TNIP1: variants seen among roughly 807,000 people sequenced by gnomAD.
TNIP1 encodes the protein TNFAIP3 interacting protein 1, also known as TNFAIP3-interacting protein 1.
In TNIP1, 22 loss-of-function variants were observed where a neutral mutation model predicts 86.6. That is an observed-to-expected ratio of 0.25 (90% CI 0.18 to 0.36). The LOEUF (loss-of-function observed/expected upper bound fraction) is 0.36, where lower values mean the gene tolerates loss of function less well. TNIP1 is among the 10% of genes least tolerant of loss of function. The pLI is 1.00. For synonymous variants in TNIP1, 294 were observed against 313.0 expected (o/e 0.94, Z 0.64); for missense variants, 709 against 820.6 (o/e 0.86, Z 1.66).
upstream of TNIP1, among the ~76,000 whole-genome samples, chr5:151,085,935 C>T (rs1037203776): frequency 2.0e-5 from 3 of 152,234 alleles, no homozygotes; most frequent in African/African-American, 4.8e-5. Context: ...CTCCCACACC[C>T]TCTTCTTCTA....
chr5:151,065,163 T>C, intron 1 of TNIP1, 32 bp from the exon 2 acceptor site: 1 of 1,575,702 alleles, frequency 6.3e-7, no homozygotes, highest in Admixed American at 1.7e-5. Flanking sequence ...ATCAGCAGGC[T>C]GGCCAGGCCA....
Position 151,056,786 on chromosome 5 carries a change from G to T in TNIP1, c.607C>A (p.Gln203Lys). Residue 203 changes from glutamine (Q) to lysine (K), a missense_variant, in exon 6 of 18, where the codon CAG (glutamine) becomes AAG (lysine). Gln to Lys is a moderately conservative substitution (Grantham distance 53). Transcript: ENST00000521591. ...CTCACCTGCAGAATGGAGGTGCGCTGCTCATTCTTGTGCACCTTGGATGCC... is the reference window on the plus strand; with the variant it reads ...CTCACCTGCAGAATGGAGGTGCGCTTCTCATTCTTGTGCACCTTGGATGCC... ...RLASKVHKNE[Q>K]RTSILQTLCE... The T allele has an allele frequency of 1.3e-6, 2 of 1,547,206 alleles. No homozygotes were observed. The highest frequency in any genetic ancestry group is 1.8e-6 in the Non-Finnish European group (2 of 1,142,258).
intron 4 of TNIP1, among the ~76,000 whole-genome samples, chr5:151,060,605 G>A (rs867097211): frequency 6.6e-6 from 1 of 152,184 alleles, no homozygotes; most frequent in East Asian, 1.9e-4. Context: ...ATATCCCCTC[G>A]ATGGCCAATC....
chr5:151,057,452 G>A (rs115175739), intron 5 of TNIP1, among the ~76,000 whole-genome samples: 2,577 of 152,314 alleles, frequency 0.017, 39 homozygotes, highest in Non-Finnish European at 0.027. Flanking sequence ...CTGGCCGGGC[G>A]CGATGGCTCA....
chr5:151,084,006 C>T (rs555664917), upstream of TNIP1, among the ~76,000 whole-genome samples: 5 of 152,296 alleles, frequency 3.3e-5, no homozygotes, highest in African/African-American at 9.6e-5. Flanking sequence ...GATGACTTGC[C>T]CAAGGTCTTA....
Position 151,045,966 on chromosome 5 carries a change from G to A in TNIP1, c.847-16C>T. 3 of 1,612,944 alleles carry A rather than the reference G, an allele frequency of 1.9e-6. No individual in the cohort carries two copies. In the South Asian group the frequency reaches 3.3e-5, roughly 18 times the overall value. ...TCACACTAGCCTGGGGAGAAGCACA[G>A]AGGAGCCTTCACCAAAACCTCAATA... On this transcript the variant is annotated splice_polypyrimidine_tract_variant and intron_variant, in intron 8 of 17. Transcript: ENST00000521591.
intron 1 of TNIP1, among the ~76,000 whole-genome samples, chr5:151,078,132 G>C (rs1190901519): frequency 1.3e-5 from 2 of 152,136 alleles, no homozygotes; most frequent in Non-Finnish European, 2.9e-5. Flanking sequence ...CACACTCATA[G>C]CACATCTCCC....
chr5:151,044,300 C>T (rs754543170), intron 9 of TNIP1, among the ~76,000 whole-genome samples: 1 of 152,016 alleles, frequency 6.6e-6, no homozygotes, highest in Non-Finnish European at 1.5e-5. Flanking sequence ...CATCAGCCTC[C>T]CAAAGTGCTG....
At position 151,062,147 on chromosome 5, in the gene TNIP1, C is replaced by A; in HGVS notation, c.337G>T (p.Val113Phe). 1 of 1,614,176 alleles carries A rather than the reference C, an allele frequency of 6.2e-7. No individual in the cohort carries two copies. The highest frequency in any genetic ancestry group is 8.5e-7 in the Non-Finnish European group (1 of 1,180,014). Reference protein sequence around the residue: ...PACPSDKPAPVQKPPSSGTSS... With the variant: ...PACPSDKPAPFQKPPSSGTSS... ...CTTACACTGGATGGAGGCTTCTGGA[C>A]TGGTGCTGGCTTGTCACTGGGGCAT... is the stretch of plus-strand genomic sequence containing the variant. The change falls in exon 4 of 18, where the codon GTC (valine) becomes TTC (phenylalanine). Residue 113 changes from valine (V) to phenylalanine (F), a missense_variant. Val to Phe is a conservative substitution (Grantham distance 50). Coordinates refer to ENST00000521591, the MANE Select transcript of TNIP1 (RefSeq NM_006058.5).
chr5:151,068,614 C>T (rs1762502177), intron 1 of TNIP1, among the ~76,000 whole-genome samples: 1 of 152,218 alleles, frequency 6.6e-6, no homozygotes, highest in Non-Finnish European at 1.5e-5. Flanking sequence ...CGGGCATGAG[C>T]TCATCTGATT....
chr5:151,035,841 C>G (rs2113296179), intron 13 of TNIP1, 134 bp from the exon 14 acceptor site: 2 of 1,091,060 alleles, frequency 1.8e-6, no homozygotes, highest in Middle Eastern at 2.5e-4. Flanking sequence ...AGTGGGACAG[C>G]TACACCTCCA....
intron 5 of TNIP1, among the ~76,000 whole-genome samples, chr5:151,059,828 A>AGAGAGAGAGAGAGAGAGG (rs1554076446): frequency 1.8e-5 from 1 of 56,396 alleles, no homozygotes; most frequent in Admixed American, 2.1e-4. Context: ...AGAGAGAGAG[A>AGAGAGAGAGAGAGAGAGG]GTGTGTGTGT....
intron 1 of TNIP1, chr5:151,080,058 AAC>A (rs1763831419): frequency 6.6e-6 from 1 of 152,272 alleles, no homozygotes; most frequent in African/African-American, 2.4e-5. Context: ...CCCCTACCAA[AAC>A]ACAATCTCTC....
intron 1 of TNIP1, among the ~76,000 whole-genome samples, chr5:151,073,605 C>T (rs535355129): frequency 2.7e-5 from 3 of 113,036 alleles, no homozygotes; most frequent in East Asian, 2.7e-4. Flanking sequence ...TGTATACATA[C>T]GGAATCTTAA....
rs142304532 is a variant in TNIP1, at chr5:151,063,226, C to T, written c.271+387G>A. On this transcript the variant is annotated intron_variant, in intron 3 of 17. Coordinates refer to ENST00000521591, the MANE Select transcript of TNIP1 (RefSeq NM_006058.5). ...CAGGGCACGACCAGGGAGCTTCCAACTCATATGCCAGCTCCAAGTGACAGG... is the reference window on the plus strand; with the variant it reads ...CAGGGCACGACCAGGGAGCTTCCAATTCATATGCCAGCTCCAAGTGACAGG... Among the ~76,000 whole-genome samples the T allele has an allele frequency of 2.0e-5, 3 of 152,326 alleles. No homozygotes were observed. The East Asian group carries it at 5.8e-4, about 29-fold the overall frequency.
chr5:151,046,266 C>A, intron 8 of TNIP1: 1 of 318,668 alleles, frequency 3.1e-6, no homozygotes, highest in Non-Finnish European at 6.0e-6. Context: ...TCACTCCCTA[C>A]ACACATCAGC....
chr5:151,077,892 T>C (rs930413180), intron 1 of TNIP1, among the ~76,000 whole-genome samples: 2 of 152,198 alleles, frequency 1.3e-5, no homozygotes, highest in African/African-American at 4.8e-5. Context: ...TGGTCAATTC[T>C]CCCAACCGAG....
chr5:151,056,357 T>C (rs938642918), intron 6 of TNIP1, among the ~76,000 whole-genome samples: 8 of 152,170 alleles, frequency 5.3e-5, no homozygotes, highest in Non-Finnish European at 8.8e-5. Flanking sequence ...ATTTACCAGC[T>C]GGGTGACCTT....
intron 7 of TNIP1, 142 bp from the exon 8 acceptor site, chr5:151,050,089 ACC>A: frequency 5.1e-6 from 7 of 1,381,262 alleles, no homozygotes; most frequent in South Asian, 4.1e-5. Flanking sequence ...CTCCTGGAAA[ACC>A]AAAAAGGGCA....
Sources: allele counts gnomAD v4.1 joint callset (sites outside exome capture counted in the v4.1 genomes callset), GRCh38; gene constraint gnomAD v4.1.1; transcripts MANE v1.5; gene names NCBI Gene and HGNC (gene_info 2026-07-23, HGNC 2026-07-21).